Variants in MARK2 observed in about 807,000 individuals in gnomAD.
MARK2 encodes microtubule affinity regulating kinase 2.
A neutral mutation model predicts 89.8 loss-of-function variants in MARK2; 16 were observed. The ratio of observed to expected loss-of-function variants is 0.18; its 90% CI spans 0.12 to 0.27. The LOEUF is 0.27. Among genes scored for constraint, MARK2 ranks in the 10% least tolerant of loss-of-function variants. MARK2 has a pLI of 1.00. For missense variants in MARK2, 621 were observed against 1,049.9 expected, an observed-to-expected ratio of 0.59 and a Z score of 5.65; for synonymous variants, 382 against 399.5, an observed-to-expected ratio of 0.96 and a Z score of 0.52.
chr11:63,899,578 T>C (rs1353516946), intron 7 of MARK2, among the ~76,000 whole-genome samples: 2 of 152,232 alleles, frequency 1.3e-5, no homozygotes, highest in Admixed American at 1.3e-4. Context: ...TGCTGAGTCC[T>C]CACAGACATG....
chr11:63,906,144 TG>T, intron 17 of MARK2, 30 bp downstream of exon 17: 2 of 1,297,418 alleles, frequency 1.5e-6, no homozygotes. Flanking sequence ...TGTGTGTGTG[TG>T]TGTGTGTGTG....
In MARK2 at chr11:63,902,091, T is replaced by G; in HGVS notation, c.1102-107T>G. On this transcript the variant is annotated intron_variant, in intron 11 of 18. Transcript: ENST00000402010. This position sits in a 1 kb window ranked among gnomAD's most constrained non-coding sequence, Gnocchi z 4.2. ...TACAAGTGGATGTCCGGTATGATCC[T>G]GGGGTGTTTGAGTGTTGGGAGAGGG... is the stretch of plus-strand genomic sequence containing the variant. 1.6e-6 allele frequency: 2 copies of G among 1,234,912 alleles called. No homozygotes were observed. Among genetic ancestry groups the G allele is most frequent in the South Asian group, 2.8e-5 (2 of 72,158 alleles). 76.5% of individuals were successfully genotyped at this position (1,234,912 alleles called of 1,614,324 possible).
chr11:63,876,734 G>C (rs1938781682), intron 1 of MARK2, among the ~76,000 whole-genome samples: 1 of 152,124 alleles, frequency 6.6e-6, no homozygotes, highest in Admixed American at 6.6e-5. Context: ...TGCCATCTCT[G>C]AGTGAATTCA....
At chr11:63,906,147 G>GTC in intron 17 of MARK2, 33 bp downstream of exon 17, 1 of 1,297,656 alleles carries the variant, frequency 7.7e-7, no homozygotes, top group Non-Finnish European at 9.8e-7. Context: ...GTGTGTGTGT[G>GTC]TGTGTGTGTC....
At chr11:63,870,705 A>G (rs931310106) in intron 1 of MARK2, among the ~76,000 whole-genome samples, 2 of 152,234 alleles carry the variant, frequency 1.3e-5, no homozygotes, top group South Asian at 2.1e-4. Context: ...TAGTGCAGGA[A>G]GGCCCGAGCT....
At chr11:63,845,630 G>T (rs2016240056) in intron 1 of MARK2, among the ~76,000 whole-genome samples, 1 of 152,152 alleles carries the variant, frequency 6.6e-6, no homozygotes, top group Admixed American at 6.5e-5. Flanking sequence ...GGAGAGCCAG[G>T]CTATCCCCAG....
chr11:63,859,338 GAGA>G (rs2135233954), intron 1 of MARK2, among the ~76,000 whole-genome samples: 1 of 147,182 alleles, frequency 6.8e-6, no homozygotes, highest in South Asian at 2.1e-4. Context: ...TTTTTTCCCC[GAGA>G]AGGAGTCCTG....
intron 16 of MARK2, among the ~76,000 whole-genome samples, chr11:63,905,381 A>G (rs993076774): frequency 6.6e-6 from 1 of 152,142 alleles, no homozygotes. Context: ...GGAAACTTAT[A>G]TTTGGTGACG....
chr11:63,872,664 C>T (rs1938521330), intron 1 of MARK2, among the ~76,000 whole-genome samples: 1 of 152,038 alleles, frequency 6.6e-6, no homozygotes, highest in South Asian at 2.1e-4. Context: ...GGCAGGGGAC[C>T]AACCCGCTTC....
At position 63,908,862 on chromosome 11, in the gene MARK2, C is replaced by T. The variant is rs1941566395; in HGVS notation, c.2007-15C>T. ...CTCAGCCCCCCCGTGACGCCCGCCT[C>T]TGCCCTCTCCACAGACCTCACGTGG... On this transcript the variant is annotated splice_polypyrimidine_tract_variant and intron_variant, in intron 18 of 18. Transcript: ENST00000402010. The T allele has an allele frequency of 1.4e-6, 2 of 1,473,948 alleles. No homozygotes were observed. The highest frequency in any genetic ancestry group is 1.5e-5 in the South Asian group (1 of 68,342). The allele number at this position is 1,473,948 out of a possible 1,614,324, so 91.3% of individuals were successfully genotyped here. A position where few individuals can be genotyped will look rare whatever the true frequency, so the allele number is the denominator to read the frequency against.
Position 63,909,320 on chromosome 11 carries a change from G to A in MARK2, c.*83G>A. The A allele has an allele frequency of 1.4e-6, 2 of 1,385,124 alleles. No individual in the cohort carries two copies. Among genetic ancestry groups the A allele is most frequent in the Non-Finnish European group, 1.9e-6 (2 of 1,041,318 alleles). 85.8% of individuals were successfully genotyped at this position (1,385,124 alleles called of 1,614,324 possible). A position where few individuals can be genotyped will look rare whatever the true frequency, so the allele number is the denominator to read the frequency against. On this transcript the variant is annotated 3_prime_UTR_variant, in exon 19 of 19. Coordinates refer to ENST00000402010, the MANE Select transcript of MARK2 (RefSeq NM_001039469.3). ...TGCGCCGCCCCACCTGGGCGAGACT[G>A]CAGCGATGGATTGGTGTGTCTCCCC...
Position 63,909,465 on chromosome 11 carries a change from T to G in MARK2, c.*228T>G. ...TGCCCAGAGATTCCCCCTTCTCCTC[T>G]CCCCTACTGGAGGCAAAGGAAGGGG... On this transcript the variant is annotated 3_prime_UTR_variant, in exon 19 of 19. Transcript: ENST00000402010. The G allele has an allele frequency of 1.2e-5, 5 of 411,598 alleles. No homozygotes were observed. Among genetic ancestry groups the G allele is most frequent in the East Asian group, 4.1e-5 (1 of 24,178 alleles). 25.5% of individuals were successfully genotyped at this position (411,598 alleles called of 1,614,324 possible).
At chr11:63,880,409 T>A (rs1939019174) in intron 1 of MARK2, among the ~76,000 whole-genome samples, 1 of 152,170 alleles carries the variant, frequency 6.6e-6, no homozygotes, top group South Asian at 2.1e-4. Flanking sequence ...TTAGAGTCAG[T>A]ACATTGGTTC....
intron 1 of MARK2, chr11:63,849,997 A>G (rs2016484977): frequency 6.6e-6 from 1 of 151,902 alleles, no homozygotes; most frequent in South Asian, 2.1e-4. Context: ...TGAACAACAC[A>G]GTGAATTTTA....
rs1340749447 is a variant in MARK2 at position 63,902,094 on chromosome 11, G to A, written c.1102-104G>A. 10 of 1,255,844 alleles carry A rather than the reference G, an allele frequency of 8.0e-6. No homozygotes were observed. Among genetic ancestry groups the A allele is most frequent in the African/African-American group, 1.5e-5 (1 of 67,252 alleles). 77.8% of individuals were successfully genotyped at this position (1,255,844 alleles called of 1,614,324 possible). A position where few individuals can be genotyped will look rare whatever the true frequency, so the allele number is the denominator to read the frequency against. The stretch of plus-strand genomic sequence containing the variant: ...AAGTGGATGTCCGGTATGATCCTGG[G>A]GTGTTTGAGTGTTGGGAGAGGGCGG... On this transcript the variant is annotated intron_variant, in intron 11 of 18. Coordinates refer to ENST00000402010, the MANE Select transcript of MARK2 (RefSeq NM_001039469.3). This position sits in a 1 kb window ranked among gnomAD's most constrained non-coding sequence, Gnocchi z 4.2.
At chr11:63,849,226 T>G (rs1470278985) in intron 1 of MARK2, among the ~76,000 whole-genome samples, 1 of 152,202 alleles carries the variant, frequency 6.6e-6, no homozygotes, top group African/African-American at 2.4e-5. Flanking sequence ...CAGAAGACTG[T>G]CATTGGCTAT....
At chr11:63,895,044 G>A in intron 1 of MARK2, 115 bp from the exon 2 acceptor site, 1 of 753,010 alleles carries the variant, frequency 1.3e-6, no homozygotes, top group Non-Finnish European at 2.2e-6. Flanking sequence ...TTCTTCACAT[G>A]CCTACCAGCC....
chr11:63,878,129 C>T (rs1201906055), intron 1 of MARK2, among the ~76,000 whole-genome samples: 2 of 152,300 alleles, frequency 1.3e-5, no homozygotes, highest in East Asian at 3.9e-4. Context: ...AGAGCATTTG[C>T]CCCTGTTATG....
At chr11:63,843,618 T>C (rs1339140489) in intron 1 of MARK2, among the ~76,000 whole-genome samples, 2 of 151,806 alleles carry the variant, frequency 1.3e-5, no homozygotes, top group Non-Finnish European at 2.9e-5. Flanking sequence ...AAAATATATA[T>C]ATATATAAAA....
Sources: gnomAD v4.1 joint callset for allele counts (sites outside exome capture counted in the v4.1 genomes callset) on GRCh38, gnomAD v4.1.1 for gene constraint, Gnocchi (gnomAD v3.1) non-coding constraint, MANE v1.5 for transcripts, NCBI Gene and HGNC (gene_info 2026-07-23, HGNC 2026-07-21) for gene names.